Variants in PRKCH observed in about 807,000 individuals in gnomAD.
The protein encoded by PRKCH is protein kinase C eta, also known as protein kinase C eta type.
Under a neutral mutation model 82.5 loss-of-function variants are expected in PRKCH, and 28 were observed. The observed-to-expected ratio is 0.34, with a 90% CI of 0.25 to 0.47. The LOEUF (loss-of-function observed/expected upper bound fraction) is 0.47, where lower values mean the gene tolerates loss of function less well. Ranked by LOEUF, PRKCH falls within the 20% of genes least tolerant of loss-of-function variation. The pLI, the probability that PRKCH is intolerant of heterozygous loss-of-function variation, is 1.00. For synonymous variants in PRKCH, 322 were observed against 327.4 expected (o/e 0.98, Z 0.18); for missense variants, 705 against 881.8 (o/e 0.80, Z 2.54).
At chr14:61,214,113 G>C (rs561254513) in intron 1 of PRKCH, among the ~76,000 whole-genome samples, 54 of 152,326 alleles carry the variant, frequency 3.5e-4, no homozygotes, top group African/African-American at 1.2e-3. Flanking sequence ...TCACACTGTG[G>C]GGGGTGTACT....
chr14:61,435,841 G>A (rs905098647), intron 2 of PRKCH, among the ~76,000 whole-genome samples: 2 of 152,076 alleles, frequency 1.3e-5, no homozygotes, highest in Non-Finnish European at 2.9e-5. Flanking sequence ...GGGAACCTTG[G>A]AGCATACACA....
intron 1 of PRKCH, among the ~76,000 whole-genome samples, chr14:61,262,384 T>A (rs929448754): frequency 6.6e-6 from 1 of 152,130 alleles, no homozygotes; most frequent in African/African-American, 2.4e-5. Context: ...ATACACAGTA[T>A]GATAGAGAAT....
intron 12 of PRKCH, 103 bp downstream of exon 12, chr14:61,530,698 C>G: frequency 1.8e-6 from 2 of 1,089,046 alleles, no homozygotes; most frequent in Non-Finnish European, 2.6e-6. Flanking sequence ...ACCACTAGCT[C>G]TAACTAAAAT....
At chr14:61,429,012 A>G (rs1883265634) in intron 2 of PRKCH, among the ~76,000 whole-genome samples, 1 of 152,220 alleles carries the variant, frequency 6.6e-6, no homozygotes, top group Non-Finnish European at 1.5e-5. Context: ...TGTGTTCCAC[A>G]GTCAAGGCCA....
At chr14:61,397,509 C>G (rs1419095998) in intron 2 of PRKCH, among the ~76,000 whole-genome samples, 1 of 152,196 alleles carries the variant, frequency 6.6e-6, no homozygotes, top group Non-Finnish European at 1.5e-5. Context: ...GCAAGGCTGA[C>G]CAGCAGCAGA....
At chr14:61,415,921 A>G (rs1477374714) in intron 2 of PRKCH, among the ~76,000 whole-genome samples, 1 of 152,110 alleles carries the variant, frequency 6.6e-6, no homozygotes, top group Non-Finnish European at 1.5e-5. Flanking sequence ...ACCTCCTATA[A>G]GTGGAATCAT....
intron 1 of PRKCH, among the ~76,000 whole-genome samples, chr14:61,273,469 T>TA (rs2045175664): frequency 6.6e-6 from 1 of 152,210 alleles, no homozygotes; most frequent in Non-Finnish European, 1.5e-5. Context: ...AATATTACAG[T>TA]AAGTAAAAAA....
intron 1 of PRKCH, among the ~76,000 whole-genome samples, chr14:61,272,333 C>CTTTTTTTTTTTTTTTTTTTTTTTTTTT (rs1566801724): frequency 1.2e-5 from 1 of 83,062 alleles, no homozygotes; most frequent in African/African-American, 4.5e-5. Context: ...TTTTTCTTTT[C>CTTTTTTTTTTTTTTTTTTTTTTTTTTT]TTTTTTCTTT....
rs142790261 is a variant in PRKCH at position 61,375,364 on chromosome 14, C to T, written c.364-15861C>T. Among the ~76,000 whole-genome samples the T allele has an allele frequency of 3.8e-3, 576 of 152,184 alleles. 17 individuals are homozygous for T. The South Asian group carries it at 0.06, about 16-fold the overall frequency. ...TCTGAGCCCTCCAAACTGTTCCAAC[C>T]TCTACCTGTTACCCATTTCCAAAGT... On this transcript the variant is annotated intron_variant, in intron 1 of 13. Coordinates refer to ENST00000332981, the MANE Select transcript of PRKCH (RefSeq NM_006255.5).
chr14:61,265,413 G>A (rs565522981), intron 1 of PRKCH, among the ~76,000 whole-genome samples: 3 of 152,274 alleles, frequency 2.0e-5, no homozygotes, highest in African/African-American at 7.2e-5. Context: ...CCTGGGATGC[G>A]GAAGCTGCAG....
chr14:61,294,758 A>G (rs2045392447), intron 1 of PRKCH, among the ~76,000 whole-genome samples: 1 of 151,944 alleles, frequency 6.6e-6, no homozygotes, highest in South Asian at 2.1e-4. Flanking sequence ...GAACATAAAC[A>G]TACAAAAAGG....
At chr14:61,231,362 A>AT (rs10656204) in intron 1 of PRKCH, among the ~76,000 whole-genome samples, 17,139 of 128,456 alleles carry the variant, frequency 0.13, 2,265 homozygotes, top group Admixed American at 0.24. Context: ...ATCCAGATGA[A>AT]TTTTTTTTTT....
chr14:61,380,005 G>C (rs2046479753), intron 1 of PRKCH, among the ~76,000 whole-genome samples: 1 of 152,166 alleles, frequency 6.6e-6, no homozygotes, highest in Non-Finnish European at 1.5e-5. Flanking sequence ...GAGGTCCCTA[G>C]GGACGTCTTA....
chr14:61,401,462 G>A (rs1310860115), intron 2 of PRKCH, among the ~76,000 whole-genome samples: 2 of 152,154 alleles, frequency 1.3e-5, no homozygotes, highest in South Asian at 2.1e-4. Context: ...GAGTTCCAGA[G>A]ACATTTTCAG....
chr14:61,299,130 T>A (rs188288781), intron 1 of PRKCH, among the ~76,000 whole-genome samples: 2 of 152,318 alleles, frequency 1.3e-5, no homozygotes, highest in East Asian at 3.9e-4. Context: ...TAACTTCATT[T>A]ACACCATGAG....
At chr14:61,509,587 G>A (rs1245187332) in intron 10 of PRKCH, among the ~76,000 whole-genome samples, 2 of 152,044 alleles carry the variant, frequency 1.3e-5, no homozygotes, top group Non-Finnish European at 2.9e-5. Flanking sequence ...GCTTAGAAAA[G>A]GCAACTATGA....
intron 2 of PRKCH, among the ~76,000 whole-genome samples, chr14:61,395,292 C>CG (rs887008508): frequency 3.8e-5 from 5 of 130,850 alleles, no homozygotes; most frequent in African/African-American, 1.5e-4. Context: ...GAAATGGAGC[C>CG]CCCCCCCGCA....
chr14:61,307,831 A>G (rs2045494313), intron 1 of PRKCH, among the ~76,000 whole-genome samples: 1 of 152,182 alleles, frequency 6.6e-6, no homozygotes, highest in African/African-American at 2.4e-5. Flanking sequence ...AATGCCAGGT[A>G]ATTTTATTTT....
At chr14:61,211,673 C>T (rs12432958) in intron 1 of PRKCH, among the ~76,000 whole-genome samples, 3,092 of 152,284 alleles carry the variant, frequency 0.02, 74 homozygotes, top group Admixed American at 0.075. Flanking sequence ...CAGAAGTGAT[C>T]TCTAATGACT....
Sources: gnomAD v4.1 joint callset for allele counts (sites outside exome capture counted in the v4.1 genomes callset) on GRCh38, gnomAD v4.1.1 for gene constraint, MANE v1.5 for transcripts, NCBI Gene and HGNC (gene_info 2026-07-23, HGNC 2026-07-21) for gene names.